Variants in MASTL observed in about 807,000 individuals in gnomAD.
The protein encoded by MASTL is serine/threonine-protein kinase greatwall.
MASTL carries 54 observed loss-of-function variants against 82.5 expected under a neutral mutation model. The observed-to-expected ratio is 0.65, with a 90% CI of 0.53 to 0.82. The LOEUF (loss-of-function observed/expected upper bound fraction) is 0.82, where lower values mean the gene tolerates loss of function less well. Among genes scored for constraint, MASTL ranks in the 40% least tolerant of loss-of-function variants. The pLI is 0.00. For missense variants in MASTL, 950 were observed against 1,047.8 expected, an observed-to-expected ratio of 0.91 and a Z score of 1.29; for synonymous variants, 323 against 368.9, an observed-to-expected ratio of 0.88 and a Z score of 1.43.
intron 7 of MASTL, among the ~76,000 whole-genome samples, chr10:27,167,885 G>A (rs1164299194): frequency 2.6e-5 from 4 of 151,942 alleles, no homozygotes; most frequent in Non-Finnish European, 5.9e-5. Context: ...TCTGTTCTGA[G>A]GATATTGCTT....
intron 4 of MASTL, 144 bp from the exon 5 acceptor site, chr10:27,164,920 G>C: frequency 1.6e-6 from 1 of 628,746 alleles, no homozygotes; most frequent in Non-Finnish European, 2.9e-6. Context: ...TTATAGGTGT[G>C]AGCCACCGTG....
intron 1 of MASTL, among the ~76,000 whole-genome samples, chr10:27,156,958 C>T (rs1057178894): frequency 1.3e-5 from 2 of 151,410 alleles, no homozygotes; most frequent in African/African-American, 2.4e-5. Context: ...CCCGCCACCA[C>T]ACCGGGCTAA....
chr10:27,172,904 T>G (rs996551948), intron 8 of MASTL, among the ~76,000 whole-genome samples: 2 of 152,152 alleles, frequency 1.3e-5, no homozygotes, highest in Non-Finnish European at 2.9e-5. Flanking sequence ...GAATAATCAG[T>G]GTTGTCTAAG....
At chr10:27,162,248 G>T (rs1564484737) in intron 4 of MASTL, among the ~76,000 whole-genome samples, 1 of 152,130 alleles carries the variant, frequency 6.6e-6, no homozygotes, top group Non-Finnish European at 1.5e-5. Context: ...TTGTTCAAAT[G>T]AACAAAATAC....
rs2057772725 is a variant in MASTL at position 27,167,284 on chromosome 10, A to T, written c.984+10A>T. 1 of 1,608,008 alleles carries T rather than the reference A, an allele frequency of 6.2e-7. No individual in the cohort carries two copies. Among genetic ancestry groups the T allele is most frequent in the South Asian group, 1.1e-5 (1 of 90,946 alleles). ...GGAAAAAGATTGCCAGGTTTGAGGG[A>T]CATTTATCTTAATGAAAATCAATTA... On this transcript the variant is annotated intron_variant, in intron 7 of 11. Coordinates refer to ENST00000375940, the MANE Select transcript of MASTL (RefSeq NM_001172303.3).
chr10:27,159,510 C>G lies in MASTL; in HGVS notation c.325-109C>G, dbSNP rs901574611. 2.8e-6 allele frequency: 2 copies of G among 713,070 alleles called. No homozygotes were observed. Among genetic ancestry groups the G allele is most frequent in the African/African-American group, 3.6e-5 (2 of 55,888 alleles). 44.2% of individuals were successfully genotyped at this position (713,070 alleles called of 1,614,324 possible). Reference sequence around the variant, plus strand: ...ATTACGAGTAATAGCAAGAAAAGGTCGTTTCATTACAGAGCCATGCCAAAT... The same window carrying G: ...ATTACGAGTAATAGCAAGAAAAGGTGGTTTCATTACAGAGCCATGCCAAAT... On this transcript the variant is annotated intron_variant, in intron 2 of 11. Coordinates refer to ENST00000375940, the MANE Select transcript of MASTL (RefSeq NM_001172303.3). This position sits in a 1 kb window ranked among gnomAD's most constrained non-coding sequence, Gnocchi z 4.0.
chr10:27,164,801 C>T lies in MASTL; in HGVS notation c.554-263C>T, dbSNP rs562659801. 2.0e-5 allele frequency among the ~76,000 whole-genome samples: 3 copies of T among 152,060 alleles called. No homozygotes were observed. The East Asian group carries it at 5.8e-4, about 29-fold the overall frequency. On this transcript the variant is annotated intron_variant, in intron 4 of 11. Coordinates refer to ENST00000375940, the MANE Select transcript of MASTL (RefSeq NM_001172303.3). ...TACAGGCGCCCACCACCAAGACCAG[C>T]TACTTTTTGTATTTTTAGTAGAGAC...
intron 9 of MASTL, chr10:27,177,843 C>T (rs1013802012): frequency 6.4e-6 from 6 of 936,910 alleles, no homozygotes; most frequent in Non-Finnish European, 7.6e-6. Flanking sequence ...TAAAGTAATG[C>T]GGCAAAGCAC....
chr10:27,184,404 T>C (rs1400355812), intron 11 of MASTL, among the ~76,000 whole-genome samples: 1 of 152,010 alleles, frequency 6.6e-6, no homozygotes, highest in East Asian at 1.9e-4. Context: ...TTAAAACATA[T>C]AAACACACAC....
In MASTL at chr10:27,155,504, G is replaced by A. The variant is rs1588631338; in HGVS notation, c.78G>A (p.Val26=). The A allele has an allele frequency of 1.2e-6, 2 of 1,614,180 alleles. No individual in the cohort carries two copies. Among genetic ancestry groups the A allele is most frequent in the Non-Finnish European group, 8.5e-7 (1 of 1,180,020 alleles). Residue 26 remains valine, a synonymous_variant, in exon 1 of 12, where the codon GTG becomes GTA. Coordinates refer to ENST00000375940, the MANE Select transcript of MASTL (RefSeq NM_001172303.3). ...AGGAGGGCGTGAATAGGATCGCAGTGCCAAAACCGCCCTCCATTGAGGAAT... is the reference window on the plus strand; with the variant it reads ...AGGAGGGCGTGAATAGGATCGCAGTACCAAAACCGCCCTCCATTGAGGAAT... ...ATEEGVNRIA[V]PKPPSIEEFS...
chr10:27,170,354 T>A lies in MASTL; in HGVS notation c.1395T>A (p.Cys465Ter). The stretch of plus-strand genomic sequence containing the variant: ...AAATTATACAGAATAAAAAAACTTG[T>A]GTAGAGTATAAGCATAACGAAATGA... ...CKKIIQNKKT[C>*]VEYKHNEMTN... Residue 465 changes from cysteine to a stop codon, truncating the protein, a stop_gained, in exon 8 of 12, where the codon TGT becomes TGA. Coordinates refer to ENST00000375940, the MANE Select transcript of MASTL (RefSeq NM_001172303.3). LOFTEE classifies it high-confidence loss of function. 6.2e-7 allele frequency: 1 copy of A among 1,613,706 alleles called. No individual in the cohort carries two copies. The highest frequency in any genetic ancestry group is 8.5e-7 in the Non-Finnish European group (1 of 1,179,746).
rs770133536 is a variant in MASTL at position 27,155,405 on chromosome 10, G to C, written c.-22G>C. On this transcript the variant is annotated 5_prime_UTR_variant, in exon 1 of 12. Transcript: ENST00000375940. ...GCTCGCGGAGGGGCAGTGTCTGCGG[G>C]GCCGCTGTATGCTGTCCAGCGATGG... 4.4e-6 allele frequency: 7 copies of C among 1,586,330 alleles called. No individual in the cohort carries two copies. The highest frequency in any genetic ancestry group is 6.0e-6 in the Non-Finnish European group (7 of 1,168,128).
Position 27,170,650 on chromosome 10 carries a change from A to G in MASTL, c.1691A>G (p.Asn564Ser), listed in dbSNP as rs2057900950. 6.2e-7 allele frequency: 1 copy of G among 1,607,918 alleles called. No homozygotes were observed. The highest frequency in any genetic ancestry group is 8.5e-7 in the Non-Finnish European group (1 of 1,178,344). Residue 564 changes from asparagine to serine, a missense_variant, in exon 8 of 12, where the codon AAT becomes AGT. By Grantham distance (46) the Asn-to-Ser change is conservative. Coordinates refer to ENST00000375940, the MANE Select transcript of MASTL (RefSeq NM_001172303.3). ...LCSDDDRASK[N>S]ISMNSDSSFP... ...TCTGATGATGATAGAGCTTCTAAAAATATTTCTATGAACTCTGATTCATCT... is the reference window on the plus strand; with the variant it reads ...TCTGATGATGATAGAGCTTCTAAAAGTATTTCTATGAACTCTGATTCATCT...
At chr10:27,176,004 G>C (rs1176010851) in intron 9 of MASTL, among the ~76,000 whole-genome samples, 1 of 151,924 alleles carries the variant, frequency 6.6e-6, no homozygotes, top group Non-Finnish European at 1.5e-5. Context: ...GGCTGAGACA[G>C]GAGAATCGCT....
chr10:27,181,142 T>C, intron 10 of MASTL, 76 bp downstream of exon 10: 1 of 1,139,498 alleles, frequency 8.8e-7, no homozygotes. Flanking sequence ...CCCAGCACTT[T>C]GGGAGGCCAA....
intron 9 of MASTL, among the ~76,000 whole-genome samples, chr10:27,174,751 T>C (rs947950348): frequency 1.3e-5 from 2 of 152,080 alleles, no homozygotes; most frequent in African/African-American, 4.8e-5. Flanking sequence ...AGGACACCAG[T>C]CATTAGGAGC....
At chr10:27,155,337 C>A (rs2057315863), upstream of MASTL, 2 of 1,328,774 alleles carry the variant, frequency 1.5e-6, no homozygotes, top group African/African-American at 1.5e-5. Context: ...CCGCGCGCGG[C>A]GTGGGCGGAG....
chr10:27,173,356 CTAAAG>C, intron 9 of MASTL, 97 bp downstream of exon 9: 1 of 1,383,216 alleles, frequency 7.2e-7, no homozygotes, highest in East Asian at 2.3e-5. Context: ...CTTACGTTAC[CTAAAG>C]TAAAAGAAAA....
chr10:27,172,803 A>G (rs1436232363), intron 8 of MASTL, among the ~76,000 whole-genome samples: 2 of 152,198 alleles, frequency 1.3e-5, no homozygotes, highest in East Asian at 3.8e-4. Context: ...TTAAGCTTGT[A>G]TTAGTCCATG....
Sources: allele counts gnomAD v4.1 joint callset (sites outside exome capture counted in the v4.1 genomes callset), GRCh38; gene constraint gnomAD v4.1.1; non-coding constraint Gnocchi (gnomAD v3.1); transcripts MANE v1.5; gene names NCBI Gene and HGNC (gene_info 2026-07-23, HGNC 2026-07-21).